The following TENT5A variants were observed in gnomAD, a reference collection of about 807,000 sequenced individuals.
TENT5A encodes the protein HBV X-transactivated gene 11 protein.
Under a neutral mutation model 30.2 loss-of-function variants are expected in TENT5A, and 9 were observed. The observed-to-expected ratio is 0.30, with a 90% CI of 0.18 to 0.52. The LOEUF is 0.52. TENT5A is among the 20% of genes least tolerant of loss of function. The pLI is 0.97. For missense variants in TENT5A, 411 were observed against 566.1 expected (o/e 0.73, Z 2.78); for synonymous variants, 264 against 234.2 (o/e 1.13, Z -1.16).
chr6:81,751,367 G>A (rs1769028711), intron 2 of TENT5A, among the ~76,000 whole-genome samples: 1 of 152,156 alleles, frequency 6.6e-6, no homozygotes, highest in Non-Finnish European at 1.5e-5. Flanking sequence ...GGAGGACCTG[G>A]GAGAAGAGTT....
rs1768905575 is a variant in TENT5A, at chr6:81,747,285, T to C, written c.*2410A>G. Reference sequence around the variant, plus strand: ...AAGCAGGCGGAGCTCTGGTTTCTGATAGGTGAGTGCCAGGCTTAATCTGCA... The same window carrying C: ...AAGCAGGCGGAGCTCTGGTTTCTGACAGGTGAGTGCCAGGCTTAATCTGCA... On this transcript the variant is annotated 3_prime_UTR_variant, in exon 3 of 3. Transcript: ENST00000320172. The C allele has an allele frequency of 7.1e-6, 7 of 985,710 alleles. No homozygotes were observed. The highest frequency in any genetic ancestry group is 8.4e-6 in the Non-Finnish European group (7 of 829,932). 61.1% of individuals were successfully genotyped at this position (985,710 alleles called of 1,614,324 possible).
At position 81,749,406 on chromosome 6, in the gene TENT5A, T is replaced by C. The variant is rs1768979346; in HGVS notation, c.*289A>G. ...ATATTGTCATCACACATTTCTTCTC[T>C]TGTATCAGGAGAACCTGGTTGCTTC... On this transcript the variant is annotated 3_prime_UTR_variant, in exon 3 of 3. Transcript: ENST00000320172. 3 of 1,155,366 alleles carry C rather than the reference T, an allele frequency of 2.6e-6. No homozygotes were observed. The highest frequency in any genetic ancestry group is 3.2e-5 in the African/African-American group (2 of 62,742). 71.6% of individuals were successfully genotyped at this position (1,155,366 alleles called of 1,614,324 possible).
In TENT5A at chr6:81,749,763, T is replaced by C. The variant is rs548850600; in HGVS notation, c.1261A>G (p.Ile421Val). The change falls in exon 3 of 3, where the codon ATT becomes GTT. Residue 421 changes from isoleucine (I) to valine (V), a missense_variant. Around this residue, in one of 5 missense-constraint regions of TENT5A, gnomAD observed 75 missense variants for 80.9 expected, o/e 0.93. Coordinates refer to ENST00000320172, the MANE Select transcript of TENT5A (RefSeq NM_017633.3). Reference protein sequence around the residue: ...VADANFSNYYIAQVQPVFTCQ... With the variant: ...VADANFSNYYVAQVQPVFTCQ... Reference sequence around the variant, plus strand: ...GTGAATACTGGCTGAACCTGTGCAATGTAGTAATTGCTAAAGTTGGCATCT... The same window carrying C: ...GTGAATACTGGCTGAACCTGTGCAACGTAGTAATTGCTAAAGTTGGCATCT... 3.1e-6 allele frequency: 5 copies of C among 1,614,102 alleles called. No homozygotes were observed. In the South Asian group the frequency reaches 5.5e-5, roughly 18 times the overall value.
At position 81,749,294 on chromosome 6, in the gene TENT5A, T is replaced by C; in HGVS notation, c.*401A>G. On this transcript the variant is annotated 3_prime_UTR_variant, in exon 3 of 3. Coordinates refer to ENST00000320172, the MANE Select transcript of TENT5A (RefSeq NM_017633.3). ...GAGTGAGACCTTTTTTCCTCCGTAT[T>C]TTCCCTTTTATGAATTCCATCTTAA... 2.0e-6 allele frequency: 2 copies of C among 997,446 alleles called. No individual in the cohort carries two copies. The highest frequency in any genetic ancestry group is 2.4e-6 in the Non-Finnish European group (2 of 838,182). 61.8% of individuals were successfully genotyped at this position (997,446 alleles called of 1,614,324 possible).
In TENT5A at chr6:81,752,529, G is replaced by A; in HGVS notation, c.-136C>T. The A allele has an allele frequency of 2.3e-6, 3 of 1,286,028 alleles. No individual in the cohort carries two copies. The highest frequency in any genetic ancestry group is 2.5e-5 in the East Asian group (1 of 39,678). 79.7% of individuals were successfully genotyped at this position (1,286,028 alleles called of 1,614,324 possible). The stretch of plus-strand genomic sequence containing the variant: ...TGCGAGCGCGCTCAGACAGCAAATA[G>A]CGACTTCGTCTTTCCCAGACCCCTG... On this transcript the variant is annotated 5_prime_UTR_variant, in exon 1 of 3. Transcript: ENST00000320172.
In TENT5A at chr6:81,752,115, G is replaced by T; in HGVS notation, c.27C>A (p.Ala9=). 6.4e-7 allele frequency: 1 copy of T among 1,571,866 alleles called. No individual in the cohort carries two copies. Residue 9 remains alanine, a synonymous_variant, in exon 2 of 3, where the codon GCC becomes GCA. Coordinates refer to ENST00000320172, the MANE Select transcript of TENT5A (RefSeq NM_017633.3). The part of the protein sequence containing the change: MAEGEGYF[A]MSEDELACSP... ...TGCAGGCCAGCTCGTCCTCAGACAT[G>T]GCGAAGTACCCTTCACCCTCCGCCA...
At position 81,752,274 on chromosome 6, in the gene TENT5A, C is replaced by T; in HGVS notation, c.-37-96G>A. 3 of 1,491,410 alleles carry T rather than the reference C, an allele frequency of 2.0e-6. No homozygotes were observed. The South Asian group carries it at 4.0e-5, about 20-fold the overall frequency. The allele number at this position is 1,491,410 out of a possible 1,614,324, so 92.4% of individuals were successfully genotyped here. A position where few individuals can be genotyped will look rare whatever the true frequency, so the allele number is the denominator to read the frequency against. On this transcript the variant is annotated intron_variant, in intron 1 of 2. Transcript: ENST00000320172. The stretch of plus-strand genomic sequence containing the variant: ...GAGGCCCGCCAGGAAAAGAGCGCCC[C>T]CTCCCCCGATAGTTCCCTGACCCCG...
In TENT5A at chr6:81,748,391, A is replaced by G. The variant is rs1768929308; in HGVS notation, c.*1304T>C. The G allele has an allele frequency of 1.4e-5, 14 of 982,584 alleles. No individual in the cohort carries two copies. The highest frequency in any genetic ancestry group is 1.7e-5 in the Non-Finnish European group (14 of 828,182). 60.9% of individuals were successfully genotyped at this position (982,584 alleles called of 1,614,324 possible). On this transcript the variant is annotated 3_prime_UTR_variant, in exon 3 of 3. Coordinates refer to ENST00000320172, the MANE Select transcript of TENT5A (RefSeq NM_017633.3). ...GAATTTTATGGCTCACCAAAGAAAAAAAAAAAAAGAAAAAAAAATCCCACT... is the reference window on the plus strand; with the variant it reads ...GAATTTTATGGCTCACCAAAGAAAAGAAAAAAAAGAAAAAAAAATCCCACT...
At position 81,746,752 on chromosome 6, in the gene TENT5A, CG is replaced by C; in HGVS notation, c.*2942del. On this transcript the variant is annotated 3_prime_UTR_variant, in exon 3 of 3. Coordinates refer to ENST00000320172, the MANE Select transcript of TENT5A (RefSeq NM_017633.3). ...CAAATCACAGGCGCTAATAGGGAGT[CG>C]GGAGCTGTTCTTTTCTCTGACCTAT... The C allele has an allele frequency of 8.2e-7, 1 of 1,220,252 alleles. No homozygotes were observed. The highest frequency in any genetic ancestry group is 3.2e-5 in the East Asian group (1 of 31,016). 75.6% of individuals were successfully genotyped at this position (1,220,252 alleles called of 1,614,324 possible). A position where few individuals can be genotyped will look rare whatever the true frequency, so the allele number is the denominator to read the frequency against.
rs1447934303 is a variant in TENT5A at position 81,750,151 on chromosome 6, T to A, written c.873A>T (p.Gly291=). Residue 291 remains glycine, a synonymous_variant, in exon 3 of 3, where the codon GGA becomes GGT. Transcript: ENST00000320172. The surrounding 1 kb of genome is among the most constrained non-coding windows in gnomAD (Gnocchi z 4.2). ...AGAGGTTGCAGTACTTAAGCAGGCCTCCCCCTCGGATTTCCTCTGGGTTCC... is the reference window on the plus strand; with the variant it reads ...AGAGGTTGCAGTACTTAAGCAGGCCACCCCCTCGGATTTCCTCTGGGTTCC... ...ATRNPEEIRG[G]GLLKYCNLLV... is the part of the protein sequence containing the mutation. The A allele has an allele frequency of 6.2e-7, 1 of 1,613,582 alleles. No individual in the cohort carries two copies. The highest frequency in any genetic ancestry group is 8.5e-7 in the Non-Finnish European group (1 of 1,179,754).
chr6:81,748,770 C>G lies in TENT5A; in HGVS notation c.*925G>C. ...AAAATAGGGCATTTTCTCCACCATT[C>G]ACAAGCTTATGTTATTTTCTTCTTG... On this transcript the variant is annotated 3_prime_UTR_variant, in exon 3 of 3. Transcript: ENST00000320172. 1.0e-6 allele frequency: 1 copy of G among 985,666 alleles called. No homozygotes were observed. Among genetic ancestry groups the G allele is most frequent in the Non-Finnish European group, 1.2e-6 (1 of 829,800 alleles). The allele number at this position is 985,666 out of a possible 1,614,324, so 61.1% of individuals were successfully genotyped here.
Position 81,752,430 on chromosome 6 carries a change from C to A in TENT5A, c.-38+1G>T. 1.9e-6 allele frequency: 3 copies of A among 1,550,272 alleles called. No homozygotes were observed. The highest frequency in any genetic ancestry group is 2.6e-6 in the Non-Finnish European group (3 of 1,146,940). ...GCAAGCGAGAGTCCCGTCTGTGTCACCTGGAGGCGGCCGCCCCTTCTAGGA... is the reference window on the plus strand; with the variant it reads ...GCAAGCGAGAGTCCCGTCTGTGTCAACTGGAGGCGGCCGCCCCTTCTAGGA... On this transcript the variant is annotated splice_donor_variant, in intron 1 of 2. Transcript: ENST00000320172. LOFTEE classifies it low-confidence loss of function (5UTR_SPLICE).
Position 81,748,878 on chromosome 6 carries a change from T to C in TENT5A, c.*817A>G, listed in dbSNP as rs755958403. On this transcript the variant is annotated 3_prime_UTR_variant, in exon 3 of 3. Coordinates refer to ENST00000320172, the MANE Select transcript of TENT5A (RefSeq NM_017633.3). ...AAATTTTCAGAAGGCAACAGGCACT[T>C]TGATGTATATTGGTGTGTAACAAAT... 3.0e-6 allele frequency: 3 copies of C among 985,466 alleles called. No individual in the cohort carries two copies. Among genetic ancestry groups the C allele is most frequent in the Non-Finnish European group, 3.6e-6 (3 of 829,522 alleles). 61.0% of individuals were successfully genotyped at this position (985,466 alleles called of 1,614,324 possible). A position where few individuals can be genotyped will look rare whatever the true frequency, so the allele number is the denominator to read the frequency against.
Position 81,747,436 on chromosome 6 carries a change from T to C in TENT5A, c.*2259A>G. 3 of 985,844 alleles carry C rather than the reference T, an allele frequency of 3.0e-6. No homozygotes were observed. The highest frequency in any genetic ancestry group is 1.7e-5 in the African/African-American group (1 of 57,346). 61.1% of individuals were successfully genotyped at this position (985,844 alleles called of 1,614,324 possible). On this transcript the variant is annotated 3_prime_UTR_variant, in exon 3 of 3. Coordinates refer to ENST00000320172, the MANE Select transcript of TENT5A (RefSeq NM_017633.3). ...AAACTGAGTGGCAGTGCAGCGGCTG[T>C]TGCAGCTCTGACAGAATTCACAAGG...
Position 81,749,336 on chromosome 6 carries a change from T to C in TENT5A, c.*359A>G. The stretch of plus-strand genomic sequence containing the variant: ...CCATCTTAAAAGAAACTTTCCACTT[T>C]TTTTTTTCCTATGGCAAAGCTATGG... On this transcript the variant is annotated 3_prime_UTR_variant, in exon 3 of 3. Coordinates refer to ENST00000320172, the MANE Select transcript of TENT5A (RefSeq NM_017633.3). 2.0e-6 allele frequency: 2 copies of C among 1,022,500 alleles called. No individual in the cohort carries two copies. The highest frequency in any genetic ancestry group is 4.6e-5 in the South Asian group (1 of 21,696). 63.3% of individuals were successfully genotyped at this position (1,022,500 alleles called of 1,614,324 possible). A position where few individuals can be genotyped will look rare whatever the true frequency, so the allele number is the denominator to read the frequency against.
At chr6:81,752,377 A>G (rs928952326) in intron 1 of TENT5A, 54 bp downstream of exon 1, 9 of 1,529,982 alleles carry the variant, frequency 5.9e-6, no homozygotes, top group African/African-American at 1.5e-5. Flanking sequence ...GCCCCGCACC[A>G]AAAGTATCTC....
In TENT5A at chr6:81,751,994, C is replaced by G; in HGVS notation, c.148G>C (p.Gly50Arg). The G allele has an allele frequency of 6.2e-7, 1 of 1,611,100 alleles. No individual in the cohort carries two copies. Among genetic ancestry groups the G allele is most frequent in the East Asian group, 2.2e-5 (1 of 44,796 alleles). ...CTTTCGCAATAGTCCAAGCAATGCCCACCGAAGCTGCCGCCACCGCCGAAG... is the reference window on the plus strand; with the variant it reads ...CTTTCGCAATAGTCCAAGCAATGCCGACCGAAGCTGCCGCCACCGCCGAAG... ...GDFGGGGSFG[G>R]HCLDYCESPT... Residue 50 changes from glycine to arginine, a missense_variant, in exon 2 of 3, where the codon GGG becomes CGG. Physicochemically the swap from Gly to Arg is moderately radical, Grantham distance 125 (BLOSUM62 -2). Coordinates refer to ENST00000320172, the MANE Select transcript of TENT5A (RefSeq NM_017633.3).
At position 81,745,877 on chromosome 6, in the gene TENT5A, G is replaced by T; in HGVS notation, c.*3818C>A. Reference sequence around the variant, plus strand: ...CATCAACTCCTTTTCTGCCTGTGACGCAGCCTATAGTCAAAATATTCCAAA... The same window carrying T: ...CATCAACTCCTTTTCTGCCTGTGACTCAGCCTATAGTCAAAATATTCCAAA... On this transcript the variant is annotated 3_prime_UTR_variant, in exon 3 of 3. Coordinates refer to ENST00000320172, the MANE Select transcript of TENT5A (RefSeq NM_017633.3). 1.0e-6 allele frequency: 1 copy of T among 985,462 alleles called. No homozygotes were observed. Among genetic ancestry groups the T allele is most frequent in the Non-Finnish European group, 1.2e-6 (1 of 829,894 alleles). The allele number at this position is 985,462 out of a possible 1,614,324, so 61.0% of individuals were successfully genotyped here.
At chr6:81,752,239 G>A in intron 1 of TENT5A, 61 bp from the exon 2 acceptor site, 1 of 1,368,140 alleles carries the variant, frequency 7.3e-7, no homozygotes, top group East Asian at 2.6e-5. Context: ...ACGCGCGGCG[G>A]CGGAGAGCAG....
Sources: allele counts gnomAD v4.1 joint callset (sites outside exome capture counted in the v4.1 genomes callset), GRCh38; gene constraint gnomAD v4.1.1; regional missense constraint gnomAD v4.1.1; non-coding constraint Gnocchi (gnomAD v3.1); transcripts MANE v1.5; gene names NCBI Gene and HGNC (gene_info 2026-07-23, HGNC 2026-07-21).